CDK13: variants seen among roughly 807,000 people sequenced by gnomAD.
The protein encoded by CDK13 is cyclin dependent kinase 13, also known as cyclin-dependent kinase 13.
A neutral mutation model predicts 137.6 loss-of-function variants in CDK13; 40 were observed. The observed-to-expected ratio is 0.29, with a 90% CI of 0.23 to 0.38. The LOEUF (loss-of-function observed/expected upper bound fraction) is 0.38, where lower values mean the gene tolerates loss of function less well. Among genes scored for constraint, CDK13 ranks in the 10% least tolerant of loss-of-function variants. The pLI is 1.00. For missense variants in CDK13, 1,704 were observed against 1,951.8 expected, an observed-to-expected ratio of 0.87 and a Z score of 2.39; for synonymous variants, 869 against 760.1, an observed-to-expected ratio of 1.14 and a Z score of -2.36.
chr7:40,079,440 G>A (rs923432232), intron 11 of CDK13, among the ~76,000 whole-genome samples: 1 of 151,810 alleles, frequency 6.6e-6, no homozygotes, highest in African/African-American at 2.4e-5. Context: ...AAATATTACT[G>A]CTGTTGCTAT....
intron 5 of CDK13, among the ~76,000 whole-genome samples, chr7:40,043,809 CAGAG>C (rs1232562966): frequency 1.2e-4 from 17 of 145,536 alleles, no homozygotes; most frequent in Admixed American, 1.1e-3. Flanking sequence ...GTCTGGGTGA[CAGAG>C]TGAGTGAGAC....
At chr7:39,996,011 GAAACA>G (rs1290279993) in intron 2 of CDK13, among the ~76,000 whole-genome samples, 2 of 152,094 alleles carry the variant, frequency 1.3e-5, no homozygotes, top group Non-Finnish European at 2.9e-5. Flanking sequence ...CTGTCTTAAA[GAAACA>G]AAACAAAACT....
intron 1 of CDK13, among the ~76,000 whole-genome samples, chr7:39,956,221 G>T (rs537201536): frequency 6.6e-6 from 1 of 152,212 alleles, no homozygotes; most frequent in South Asian, 2.1e-4. Context: ...TAGGATACTA[G>T]AACAAATGGA....
At chr7:39,995,147 AAG>A (rs1299987333) in intron 2 of CDK13, among the ~76,000 whole-genome samples, 3 of 152,042 alleles carry the variant, frequency 2.0e-5, no homozygotes. Context: ...TGTTTTTAAA[AAG>A]CTCATTTTCT....
At position 39,950,849 on chromosome 7, in the gene CDK13, G is replaced by C. The variant is rs1183040112; in HGVS notation, c.208G>C (p.Ala70Pro). Residue 70 changes from alanine (A) to proline (P), a missense_variant, in exon 1 of 14, where the codon GCA (alanine) becomes CCA (proline). Physicochemically the swap from Ala to Pro is conservative, Grantham distance 27. Transcript: ENST00000181839. ...FLAAPGTAAA[A>P]AAAAAASSSC... ...GGCTGCTCCCGGCACGGCCGCCGCC[G>C]CAGCCGCCGCCGCCGCGGCCTCCTC... The C allele has an allele frequency of 7.3e-7, 1 of 1,373,560 alleles. No individual in the cohort carries two copies. The highest frequency in any genetic ancestry group is 9.3e-7 in the Non-Finnish European group (1 of 1,074,340). The allele number at this position is 1,373,560 out of a possible 1,614,324, so 85.1% of individuals were successfully genotyped here.
intron 2 of CDK13, among the ~76,000 whole-genome samples, chr7:39,995,337 T>C (rs960195629): frequency 6.6e-6 from 1 of 152,192 alleles, no homozygotes; most frequent in Admixed American, 6.5e-5. Context: ...AATCTTCAAA[T>C]AAGAACTCTT....
At chr7:39,976,840 A>C (rs1784122783) in intron 1 of CDK13, among the ~76,000 whole-genome samples, 1 of 152,126 alleles carries the variant, frequency 6.6e-6, no homozygotes, top group South Asian at 2.1e-4. Flanking sequence ...ATGGAAAGTG[A>C]AATTGAGGAC....
At chr7:39,973,551 TTTCA>T (rs1280099852) in intron 1 of CDK13, among the ~76,000 whole-genome samples, 1 of 152,226 alleles carries the variant, frequency 6.6e-6, no homozygotes, top group Non-Finnish European at 1.5e-5. Flanking sequence ...AAATAATTTC[TTTCA>T]TTCTATCACT....
At chr7:39,970,472 T>C (rs1231023130) in intron 1 of CDK13, among the ~76,000 whole-genome samples, 16 of 152,040 alleles carry the variant, frequency 1.1e-4, no homozygotes, top group Non-Finnish European at 2.2e-4. Flanking sequence ...TCATCTTTTT[T>C]TTTTTTGAGA....
intron 5 of CDK13, among the ~76,000 whole-genome samples, chr7:40,002,824 G>T (rs569933040): frequency 6.6e-5 from 10 of 151,474 alleles, no homozygotes; most frequent in African/African-American, 2.4e-4. Flanking sequence ...AAACACTTTG[G>T]GAGTCCAGGG....
chr7:39,985,890 A>G (rs1390287283), intron 1 of CDK13: 2 of 152,230 alleles, frequency 1.3e-5, no homozygotes, highest in African/African-American at 4.8e-5. Context: ...GGTGCCTCAC[A>G]GCAACCATGG....
chr7:40,099,277 A>C lies in CDK13; in HGVS notation c.*4297A>C, dbSNP rs897464717. 3.3e-5 allele frequency: 5 copies of C among 152,196 alleles called. No homozygotes were observed. Among genetic ancestry groups the C allele is most frequent in the African/African-American group, 1.2e-4 (5 of 41,458 alleles). The allele number at this position is 152,196 out of a possible 1,614,324, so 9.4% of individuals were successfully genotyped here. A position where few individuals can be genotyped will look rare whatever the true frequency, so the allele number is the denominator to read the frequency against. ...ATTTTTATTGTAAAGGGAAGAACTT[A>C]TCCTTTTAATTTTATGGACTAACAG... is the stretch of plus-strand genomic sequence containing the variant. On this transcript the variant is annotated 3_prime_UTR_variant, in exon 14 of 14. Coordinates refer to ENST00000181839, the MANE Select transcript of CDK13 (RefSeq NM_003718.5).
At chr7:40,050,907 T>C (rs1317002383) in intron 7 of CDK13, among the ~76,000 whole-genome samples, 1 of 152,328 alleles carries the variant, frequency 6.6e-6, no homozygotes, top group East Asian at 1.9e-4. Context: ...TATGCAGATA[T>C]TTGTGCACAT....
rs148449949 is a variant in CDK13, at chr7:39,999,439, C to A, written c.2121C>A (p.Ile707=). ...AACGCTGCGTGGATAAATTTGATAT[C>A]ATCGGAATTATTGGAGAAGGTACTT... ...WGKRCVDKFD[I]IGIIGEGTYG... is the part of the protein sequence containing the mutation. The change falls in exon 4 of 14, where the codon ATC becomes ATA. Residue 707 remains isoleucine, a synonymous_variant. Transcript: ENST00000181839. The A allele has an allele frequency of 6.0e-5, 96 of 1,612,768 alleles. 1 individual carries two copies. Among genetic ancestry groups the A allele is most frequent in the Non-Finnish European group, 8.0e-5 (94 of 1,179,222 alleles).
intron 1 of CDK13, among the ~76,000 whole-genome samples, chr7:39,961,162 C>T (rs1442389156): frequency 6.6e-6 from 1 of 151,926 alleles, no homozygotes; most frequent in African/African-American, 2.4e-5. Flanking sequence ...AGTTCAAGAC[C>T]AGCCTGGCCA....
chr7:40,072,820 A>G (rs1296000829), intron 9 of CDK13: 1 of 152,234 alleles, frequency 6.6e-6, no homozygotes, highest in East Asian at 1.9e-4. Flanking sequence ...TTTGAATATA[A>G]TGATGAATAT....
At chr7:39,966,304 G>T (rs950522937) in intron 1 of CDK13, among the ~76,000 whole-genome samples, 12 of 152,206 alleles carry the variant, frequency 7.9e-5, no homozygotes, top group African/African-American at 2.9e-4. Flanking sequence ...TTTCTTGGAG[G>T]CTTTGTTCGT....
chr7:39,995,921 A>T (rs948907377), intron 2 of CDK13, among the ~76,000 whole-genome samples: 1 of 152,180 alleles, frequency 6.6e-6, no homozygotes, highest in Non-Finnish European at 1.5e-5. Context: ...GAGGCAGGAG[A>T]ATCGCTTGAA....
intron 2 of CDK13, among the ~76,000 whole-genome samples, chr7:39,990,885 ATAC>A (rs1479740494): frequency 6.6e-6 from 1 of 152,250 alleles, no homozygotes; most frequent in Non-Finnish European, 1.5e-5. Flanking sequence ...ACTGCTGGAA[ATAC>A]TACAGATATT....
Sources: gnomAD v4.1 joint callset for allele counts (sites outside exome capture counted in the v4.1 genomes callset) on GRCh38, gnomAD v4.1.1 for gene constraint, MANE v1.5 for transcripts, NCBI Gene and HGNC (gene_info 2026-07-23, HGNC 2026-07-21) for gene names.